Variants in SH3KBP1 observed in about 807,000 individuals in gnomAD.
The protein encoded by SH3KBP1 is SH3 domain-containing kinase-binding protein 1.
SH3KBP1 carries 8 observed loss-of-function variants against 50.1 expected under a neutral mutation model. The observed-to-expected ratio is 0.16, with a 90% CI of 0.09 to 0.29. The LOEUF is 0.29. Ranked by LOEUF, SH3KBP1 falls within the 10% of genes least tolerant of loss-of-function variation. The pLI is 1.00. For missense variants in SH3KBP1, 377 were observed against 535.2 expected, an observed-to-expected ratio of 0.70 and a Z score of 2.92; for synonymous variants, 227 against 218.6, an observed-to-expected ratio of 1.04 and a Z score of -0.34.
intron 7 of SH3KBP1, among the ~76,000 whole-genome samples, chrX:19,633,471 A>G (rs930687744): frequency 8.9e-6 from 1 of 112,015 alleles, no homozygotes. Flanking sequence ...GAATTGGTCA[A>G]ATGTTCTACA....
intron 2 of SH3KBP1, among the ~76,000 whole-genome samples, chrX:19,800,503 C>T (rs764073441): frequency 1.3e-4 from 15 of 112,091 alleles, no homozygotes; most frequent in Non-Finnish European, 1.9e-4. Context: ...TGATTTTCTA[C>T]TATTTACTTC....
intron 1 of SH3KBP1, among the ~76,000 whole-genome samples, chrX:19,863,431 C>T (rs1422261174): frequency 8.9e-6 from 1 of 112,174 alleles, no homozygotes; most frequent in Non-Finnish European, 1.9e-5. Flanking sequence ...GTGTCTGAGA[C>T]TTGCTTTCAC....
chrX:19,625,162 T>C (rs1264572135), intron 8 of SH3KBP1, among the ~76,000 whole-genome samples: 2 of 112,024 alleles, frequency 1.8e-5, no homozygotes, highest in Non-Finnish European at 3.8e-5. Flanking sequence ...CTTATTTTCC[T>C]GTGGGGTGGG....
intron 16 of SH3KBP1, among the ~76,000 whole-genome samples, chrX:19,541,687 C>T (rs1272516349): frequency 8.9e-6 from 1 of 112,460 alleles, no homozygotes; most frequent in Non-Finnish European, 1.9e-5. Context: ...TCCCTCTATG[C>T]CCCATGGCCA....
At chrX:19,794,600 G>A (rs748786608) in intron 2 of SH3KBP1, among the ~76,000 whole-genome samples, 44 of 110,745 alleles carry the variant, frequency 4.0e-4, no homozygotes, top group African/African-American at 1.3e-3. Context: ...CATCTCGGGA[G>A]GCTGAGGCAG....
chrX:19,541,797 C>T, intron 16 of SH3KBP1, 128 bp downstream of exon 16: 1 of 733,572 alleles, frequency 1.4e-6, no homozygotes, highest in Non-Finnish European at 2.0e-6. Context: ...CCCACCATTG[C>T]TGCCACCATC....
At chrX:19,558,163 T>C (rs2147742505) in intron 13 of SH3KBP1, among the ~76,000 whole-genome samples, 1 of 112,768 alleles carries the variant, frequency 8.9e-6, no homozygotes, top group African/African-American at 3.2e-5. Context: ...GGAACATAAA[T>C]TGGCACAACC....
Position 19,692,689 on chromosome X carries a change from A to ATT in SH3KBP1, c.520+2921_520+2922dup, listed in dbSNP as rs1186773036. Among the ~76,000 whole-genome samples the ATT allele has an allele frequency of 7.9e-3, 592 of 75,012 alleles. 23 individuals are homozygous for ATT. Among genetic ancestry groups the ATT allele is most frequent in the African/African-American group, 0.03 (535 of 18,113 alleles). 65.1% of individuals were successfully genotyped at this position (75,012 alleles called of 115,157 possible). A position where few individuals can be genotyped will look rare whatever the true frequency, so the allele number is the denominator to read the frequency against. On this transcript the variant is annotated intron_variant, in intron 5 of 17. Transcript: ENST00000397821. ...TGTGTGTATGTATATATATATATATATTTTTTTTTTTTTTTAATAGTCTCT... is the reference window on the plus strand; with the variant it reads ...TGTGTGTATGTATATATATATATATATTTTTTTTTTTTTTTTTAATAGTCTCT...
intron 2 of SH3KBP1, among the ~76,000 whole-genome samples, chrX:19,756,450 A>G (rs1384773066): frequency 1.8e-5 from 2 of 110,940 alleles, no homozygotes; most frequent in Non-Finnish European, 3.8e-5. Context: ...TTAAATTACA[A>G]TGAGATATTT....
At chrX:19,563,816 G>A (rs2065755776) in intron 13 of SH3KBP1, among the ~76,000 whole-genome samples, 1 of 111,497 alleles carries the variant, frequency 9.0e-6, no homozygotes, top group South Asian at 3.8e-4. Context: ...TGTGTCTGAA[G>A]GTTGCCAGTA....
chrX:19,710,511 C>T (rs909147928), intron 3 of SH3KBP1, among the ~76,000 whole-genome samples: 16 of 112,063 alleles, frequency 1.4e-4, no homozygotes, highest in African/African-American at 5.2e-4. Context: ...AGGCTAAGTA[C>T]AGTACAATAA....
chrX:19,669,041 C>T (rs1300019250), intron 6 of SH3KBP1, among the ~76,000 whole-genome samples: 3 of 93,557 alleles, frequency 3.2e-5, no homozygotes, highest in Non-Finnish European at 6.4e-5. Flanking sequence ...CAGCTCACTG[C>T]AGCCTCAACC....
chrX:19,704,257 T>C (rs1321100326), intron 4 of SH3KBP1, among the ~76,000 whole-genome samples: 1 of 112,739 alleles, frequency 8.9e-6, no homozygotes, highest in Non-Finnish European at 1.9e-5. Flanking sequence ...TTGTAGATGA[T>C]GGCAAAGGCC....
chrX:19,869,721 T>C (rs1216862341), intron 1 of SH3KBP1, among the ~76,000 whole-genome samples: 1 of 112,394 alleles, frequency 8.9e-6, no homozygotes, highest in Non-Finnish European at 1.9e-5. Flanking sequence ...GGAACACATA[T>C]TTTGAAAATC....
chrX:19,779,988 C>A (rs2066119923), intron 2 of SH3KBP1, among the ~76,000 whole-genome samples: 1 of 111,041 alleles, frequency 9.0e-6, no homozygotes, highest in Non-Finnish European at 1.9e-5. Flanking sequence ...GATGGTATTT[C>A]CAGTTCTAGA....
chrX:19,565,863 A>T (rs1194566506), intron 13 of SH3KBP1, among the ~76,000 whole-genome samples: 1 of 111,650 alleles, frequency 9.0e-6, no homozygotes, highest in African/African-American at 3.3e-5. Flanking sequence ...GTACAACAAT[A>T]CACACATTTA....
chrX:19,572,525 CT>C (rs1569298946), intron 12 of SH3KBP1, among the ~76,000 whole-genome samples: 3 of 103,862 alleles, frequency 2.9e-5, no homozygotes, highest in Non-Finnish European at 5.9e-5. Flanking sequence ...CATATATGTA[CT>C]CTCTCTCTCT....
intron 13 of SH3KBP1, among the ~76,000 whole-genome samples, chrX:19,557,078 G>C (rs2065513458): frequency 8.9e-6 from 1 of 111,961 alleles, no homozygotes; most frequent in Admixed American, 9.5e-5. Context: ...ACCCCATGCT[G>C]TGTGGGCATT....
intron 6 of SH3KBP1, among the ~76,000 whole-genome samples, chrX:19,659,207 C>T (rs755946657): frequency 9.5e-6 from 1 of 105,642 alleles, no homozygotes; most frequent in African/African-American, 3.5e-5. Context: ...CTCTGCCTCT[C>T]GGGTTCAGGT....
Sources: allele counts gnomAD v4.1 joint callset (sites outside exome capture counted in the v4.1 genomes callset), GRCh38; gene constraint gnomAD v4.1.1; transcripts MANE v1.5; gene names NCBI Gene and HGNC (gene_info 2026-07-23, HGNC 2026-07-21).